JCAD: variants seen among roughly 807,000 people sequenced by gnomAD.
The protein encoded by JCAD is junctional cadherin 5-associated protein.
Under a neutral mutation model 98.0 loss-of-function variants are expected in JCAD, and 40 were observed. The ratio of observed to expected loss-of-function variants is 0.41; its 90% CI spans 0.32 to 0.53. JCAD has a LOEUF of 0.53. Ranked by LOEUF, JCAD falls within the 20% of genes least tolerant of loss-of-function variation. The probability of loss-of-function intolerance (pLI) is 0.31; values close to 1 mark genes in which losing one functional copy is unlikely to be tolerated. For synonymous variants in JCAD, 691 were observed against 682.3 expected (o/e 1.01, Z -0.20); for missense variants, 1,705 against 1,738.1 (o/e 0.98, Z 0.34).
intron 3 of JCAD, 84 bp from the exon 4 acceptor site, chr10:30,018,001 T>C (rs1836573502): frequency 2.8e-6 from 3 of 1,061,924 alleles, no homozygotes; most frequent in Non-Finnish European, 4.2e-6. Flanking sequence ...CGAATTTGTC[T>C]AGGGAACAAA....
intron 1 of JCAD, among the ~76,000 whole-genome samples, chr10:30,090,412 G>A (rs1333817012): frequency 6.6e-6 from 1 of 152,024 alleles, no homozygotes; most frequent in East Asian, 1.9e-4. Context: ...CGTGGTGGCG[G>A]GTGCCTGTGA....
chr10:30,078,771 T>C (rs1838024318), intron 1 of JCAD, among the ~76,000 whole-genome samples: 1 of 152,344 alleles, frequency 6.6e-6, no homozygotes, highest in South Asian at 2.1e-4. Flanking sequence ...GGCATCTCTC[T>C]GATGACAGTT....
rs542661564 is a variant in JCAD, at chr10:30,047,330, T to C, written c.281+202A>G. On this transcript the variant is annotated intron_variant, in intron 2 of 3. Coordinates refer to ENST00000375377, the MANE Select transcript of JCAD (RefSeq NM_020848.4). ...GTTGCAGTGAGCCGAGATTGCACAA[T>C]TGTACTCCAGCCTGGACGACAGAGC... Among the ~76,000 whole-genome samples the C allele has an allele frequency of 3.3e-5, 5 of 152,204 alleles. No homozygotes were observed. In the East Asian group the frequency reaches 5.8e-4, roughly 18 times the overall value.
In JCAD at chr10:30,015,466, C is replaced by T. The variant is rs1223064588; in HGVS notation, c.*2417G>A. The T allele has an allele frequency of 6.6e-6, 1 of 152,026 alleles. No individual in the cohort carries two copies. Among genetic ancestry groups the T allele is most frequent in the Non-Finnish European group, 1.5e-5 (1 of 67,992 alleles). 9.4% of individuals were successfully genotyped at this position (152,026 alleles called of 1,614,324 possible). On this transcript the variant is annotated 3_prime_UTR_variant, in exon 4 of 4. Transcript: ENST00000375377. ...TAAACTTTTCAAGTTACCTTCCCCC[C>T]AAAAAAGATTTACATGTAGGCTTAA...
intron 1 of JCAD, among the ~76,000 whole-genome samples, chr10:30,105,685 C>T (rs1483381249): frequency 6.6e-6 from 1 of 152,124 alleles, no homozygotes; most frequent in Non-Finnish European, 1.5e-5. Flanking sequence ...AATAATGCAA[C>T]ATAATTTTCA....
rs1836521010 is a variant in JCAD, at chr10:30,015,866, A to G, written c.*2017T>C. The G allele has an allele frequency of 6.6e-6, 1 of 152,218 alleles. No individual in the cohort carries two copies. The highest frequency in any genetic ancestry group is 6.5e-5 in the Admixed American group (1 of 15,288). 9.4% of individuals were successfully genotyped at this position (152,218 alleles called of 1,614,324 possible). A position where few individuals can be genotyped will look rare whatever the true frequency, so the allele number is the denominator to read the frequency against. On this transcript the variant is annotated 3_prime_UTR_variant, in exon 4 of 4. Transcript: ENST00000375377. ...CATTTAAAGAGGGAAGACCCCACAAAGACCTCCAGGCGCCTCAGCCCTTAT... is the reference window on the plus strand; with the variant it reads ...CATTTAAAGAGGGAAGACCCCACAAGGACCTCCAGGCGCCTCAGCCCTTAT...
intron 2 of JCAD, chr10:30,069,576 A>T (rs1837847103): frequency 1.3e-5 from 2 of 150,302 alleles, no homozygotes; most frequent in Non-Finnish European, 2.9e-5. Context: ...ACAGAGCGAG[A>T]CTCCGTCTCA....
upstream of JCAD, among the ~76,000 whole-genome samples, chr10:30,064,446 C>A (rs1837750962): frequency 6.6e-6 from 1 of 152,148 alleles, no homozygotes; most frequent in Non-Finnish European, 1.5e-5. Flanking sequence ...ATAAATGACC[C>A]ACCTGCGGGT....
chr10:30,040,398 T>C (rs1426875554), intron 2 of JCAD, among the ~76,000 whole-genome samples: 1 of 152,234 alleles, frequency 6.6e-6, no homozygotes, highest in East Asian at 1.9e-4. Flanking sequence ...ATTTTCTCTT[T>C]AATAAGGGCA....
intron 1 of JCAD, among the ~76,000 whole-genome samples, chr10:30,089,816 A>G (rs1838232471): frequency 6.6e-6 from 1 of 152,336 alleles, no homozygotes; most frequent in Non-Finnish European, 1.5e-5. Flanking sequence ...AGGTTTTTAA[A>G]GTACACACAC....
chr10:30,108,325 A>G (rs1362244022), intron 1 of JCAD, among the ~76,000 whole-genome samples: 1 of 151,774 alleles, frequency 6.6e-6, no homozygotes, highest in Non-Finnish European at 1.5e-5. Flanking sequence ...AAAAAAAAAA[A>G]AGAGTGATGG....
chr10:30,106,805 G>A (rs1056517122), intron 1 of JCAD, among the ~76,000 whole-genome samples: 18 of 152,144 alleles, frequency 1.2e-4, no homozygotes, highest in Admixed American at 5.9e-4. Flanking sequence ...CTGGCCCGTT[G>A]TAGTTCTTTG....
chr10:30,032,503 C>A (rs1446916444), intron 2 of JCAD, among the ~76,000 whole-genome samples: 6 of 152,166 alleles, frequency 3.9e-5, no homozygotes, highest in Non-Finnish European at 7.3e-5. Flanking sequence ...GAAGGAAGTT[C>A]AGGGGACTCA....
chr10:30,109,223 G>A (rs1404964020), intron 1 of JCAD, among the ~76,000 whole-genome samples: 1 of 152,216 alleles, frequency 6.6e-6, no homozygotes, highest in Non-Finnish European at 1.5e-5. Flanking sequence ...ATGGGACAAA[G>A]AAGCCACAGT....
intron 1 of JCAD, among the ~76,000 whole-genome samples, chr10:30,078,546 A>T (rs776768713): frequency 1.8e-4 from 28 of 152,172 alleles, no homozygotes; most frequent in Non-Finnish European, 3.5e-4. Context: ...AAAAGCGGCC[A>T]TTGTGGGGCT....
At chr10:30,044,694 A>T (rs765906) in intron 2 of JCAD, 83,635 of 222,454 alleles carry the variant, frequency 0.38, 16,212 homozygotes, top group Admixed American at 0.47. Flanking sequence ...TTTTTTTTTT[A>T]AATTTAAGCT....
rs1465257504 is a variant in JCAD at position 30,016,795 on chromosome 10, G to A, written c.*1088C>T. The A allele has an allele frequency of 2.0e-5, 3 of 152,168 alleles. No individual in the cohort carries two copies. The highest frequency in any genetic ancestry group is 4.4e-5 in the Non-Finnish European group (3 of 68,024). The allele number at this position is 152,168 out of a possible 1,614,324, so 9.4% of individuals were successfully genotyped here. On this transcript the variant is annotated 3_prime_UTR_variant, in exon 4 of 4. Transcript: ENST00000375377. ...TCATGACAATGTTGGCTGGTTTTCA[G>A]AGGGTTATTTTCAAATATAACCTGA...
At chr10:30,074,355 CTG>C (rs1048030599) in intron 1 of JCAD, among the ~76,000 whole-genome samples, 3 of 152,178 alleles carry the variant, frequency 2.0e-5, no homozygotes, top group African/African-American at 7.2e-5. Context: ...CAAGTACTCT[CTG>C]TGTACCTTGA....
Position 30,029,230 on chromosome 10 carries a change from T to TC in JCAD, c.917dup (p.Gly307ArgfsTer6). ...CCTGAGAGTCACTGCTGTCCGCTCC[T>TC]CCCCTAGACTGCTGGTGCGAGCTGT... On this transcript the variant is annotated frameshift_variant, in exon 3 of 4. Transcript: ENST00000375377. LOFTEE classifies it high-confidence loss of function. 6.2e-7 allele frequency: 1 copy of TC among 1,614,042 alleles called. No homozygotes were observed. Among genetic ancestry groups the TC allele is most frequent in the Non-Finnish European group, 8.5e-7 (1 of 1,180,028 alleles).
Sources: allele counts gnomAD v4.1 joint callset (sites outside exome capture counted in the v4.1 genomes callset), GRCh38; gene constraint gnomAD v4.1.1; transcripts MANE v1.5; gene names NCBI Gene and HGNC (gene_info 2026-07-23, HGNC 2026-07-21).